TMEM233: variants seen among roughly 807,000 people sequenced by gnomAD.
The protein encoded by TMEM233 is dispanin subfamily B member 2.
TMEM233 carries 6 observed loss-of-function variants against 11.2 expected under a neutral mutation model. The ratio of observed to expected loss-of-function variants is 0.54; its 90% CI spans 0.29 to 1.06. TMEM233 has a LOEUF of 1.06. Among genes scored for constraint, TMEM233 ranks in the 50% least tolerant of loss-of-function variants. The pLI is 0.08. For synonymous variants in TMEM233, 59 were observed against 55.8 expected, an observed-to-expected ratio of 1.06 and a Z score of -0.26; for missense variants, 127 against 144.7, an observed-to-expected ratio of 0.88 and a Z score of 0.63.
intron 2 of TMEM233, chr12:119,634,435 C>CAGGG: frequency 5.5e-6 from 1 of 181,984 alleles, no homozygotes; most frequent in Non-Finnish European, 1.0e-5. Context: ...TAGCAAGACC[C>CAGGG]TGTTGCTCCA....
At chr12:119,611,218 G>C (rs1477622221) in intron 1 of TMEM233, among the ~76,000 whole-genome samples, 2 of 150,448 alleles carry the variant, frequency 1.3e-5, no homozygotes, top group Admixed American at 1.3e-4. Flanking sequence ...TGGGTGGTAT[G>C]ATAACAATAT....
chr12:119,600,387 T>A (rs201345641), intron 1 of TMEM233, among the ~76,000 whole-genome samples: 2 of 139,970 alleles, frequency 1.4e-5, no homozygotes, highest in African/African-American at 2.6e-5. Context: ...GTGGGTAGAT[T>A]AAAAAAAAAA....
At chr12:119,632,682 C>T (rs1418883868) in intron 2 of TMEM233, among the ~76,000 whole-genome samples, 1 of 152,128 alleles carries the variant, frequency 6.6e-6, no homozygotes, top group Non-Finnish European at 1.5e-5. Context: ...CCAATTGTAA[C>T]CACTTAGTAT....
chr12:119,653,822 G>A, the TMEM233 span, among the ~76,000 whole-genome samples: 1 of 152,106 alleles, frequency 6.6e-6, no homozygotes, highest in South Asian at 2.1e-4. Flanking sequence ...GATTTGCAGA[G>A]AAGTATCAAG....
intron 2 of TMEM233, among the ~76,000 whole-genome samples, chr12:119,637,041 A>C (rs769883369): frequency 6.6e-6 from 1 of 152,026 alleles, no homozygotes; most frequent in East Asian, 1.9e-4. Context: ...CTGGAACCAC[A>C]CTCTGGGCTC....
intron 2 of TMEM233, among the ~76,000 whole-genome samples, chr12:119,633,651 G>A (rs1043306836): frequency 6.6e-6 from 1 of 151,978 alleles, no homozygotes; most frequent in African/African-American, 2.4e-5. Flanking sequence ...TGCATGTAGG[G>A]GCAAGAGAGA....
the TMEM233 span, among the ~76,000 whole-genome samples, chr12:119,651,036 AACAGCT>A: frequency 6.6e-6 from 1 of 152,242 alleles, no homozygotes; most frequent in South Asian, 2.1e-4. Context: ...GGAAAGAAAA[AACAGCT>A]ACATTTCTAC....
chr12:119,631,713 C>T, intron 2 of TMEM233: 1 of 962,568 alleles, frequency 1.0e-6, no homozygotes, highest in Non-Finnish European at 1.2e-6. Context: ...CTGCCTGGAC[C>T]CAGGTCCCAG....
At chr12:119,596,362 G>T (rs1954047929) in intron 1 of TMEM233, among the ~76,000 whole-genome samples, 1 of 152,082 alleles carries the variant, frequency 6.6e-6, no homozygotes. Context: ...AGATATTAAT[G>T]ATGCTGCTTG....
chr12:119,631,060 C>G (rs1954871101), intron 2 of TMEM233: 1 of 152,240 alleles, frequency 6.6e-6, no homozygotes, highest in Non-Finnish European at 1.5e-5. Flanking sequence ...AGAGGTTTGA[C>G]AGACAGCAAG....
At chr12:119,634,759 A>G (rs1363059172) in intron 2 of TMEM233, among the ~76,000 whole-genome samples, 1 of 152,178 alleles carries the variant, frequency 6.6e-6, no homozygotes, top group Non-Finnish European at 1.5e-5. Flanking sequence ...TGAAATCTCA[A>G]ATGGTTGAAA....
At chr12:119,623,288 A>G (rs1477821520) in intron 1 of TMEM233, among the ~76,000 whole-genome samples, 1 of 152,216 alleles carries the variant, frequency 6.6e-6, no homozygotes, top group African/African-American at 2.4e-5. Flanking sequence ...AGCAACATGA[A>G]TGCATCATCA....
At chr12:119,638,799 G>A (rs2136801291) in intron 2 of TMEM233, among the ~76,000 whole-genome samples, 1 of 152,238 alleles carries the variant, frequency 6.6e-6, no homozygotes, top group Non-Finnish European at 1.5e-5. Context: ...CACTTTGGGA[G>A]GCCGAGGTGG....
intron 1 of TMEM233, among the ~76,000 whole-genome samples, chr12:119,596,939 G>T (rs559737020): frequency 6.6e-6 from 1 of 152,202 alleles, no homozygotes; most frequent in Admixed American, 6.5e-5. Flanking sequence ...TGCAATAATT[G>T]TCAGACAGAT....
At chr12:119,647,447 ATTC>A (rs764488354), downstream of TMEM233, among the ~76,000 whole-genome samples, 45 of 151,968 alleles carry the variant, frequency 3.0e-4, no homozygotes, top group Non-Finnish European at 5.6e-4. Flanking sequence ...AACTTTGTTT[ATTC>A]TTCATTTTTT....
At chr12:119,648,087 G>T in the TMEM233 span, among the ~76,000 whole-genome samples, 3 of 151,934 alleles carry the variant, frequency 2.0e-5, no homozygotes. Flanking sequence ...CACATAGCTG[G>T]TCCTTTCTTC....
the TMEM233 span, among the ~76,000 whole-genome samples, chr12:119,651,359 G>A: frequency 6.6e-6 from 1 of 152,138 alleles, no homozygotes; most frequent in Non-Finnish European, 1.5e-5. Flanking sequence ...GAGAAGGAAG[G>A]CCTCTCTACC....
At chr12:119,643,434 G>A (rs1955111674), downstream of TMEM233, among the ~76,000 whole-genome samples, 1 of 152,214 alleles carries the variant, frequency 6.6e-6, no homozygotes, top group Non-Finnish European at 1.5e-5. Context: ...TTCCTCCAAA[G>A]CTAAGACTGC....
intron 2 of TMEM233, among the ~76,000 whole-genome samples, chr12:119,638,840 C>A (rs918143674): frequency 6.6e-6 from 1 of 151,982 alleles, no homozygotes; most frequent in East Asian, 1.9e-4. Flanking sequence ...AGTTCAAGAC[C>A]AGCCTGGGCG....
Sources: gnomAD v4.1 joint callset for allele counts (sites outside exome capture counted in the v4.1 genomes callset) on GRCh38, gnomAD v4.1.1 for gene constraint, MANE v1.5 for transcripts, NCBI Gene and HGNC (gene_info 2026-07-23, HGNC 2026-07-21) for gene names.